Variants in KHDC1 observed in about 807,000 individuals in gnomAD.
The protein encoded by KHDC1 is KH homology domain-containing protein 1.
In KHDC1, 21 loss-of-function variants were observed where a neutral mutation model predicts 24.7. That is an observed-to-expected ratio of 0.85 (90% CI 0.60 to 1.23). The LOEUF (loss-of-function observed/expected upper bound fraction) is 1.23. KHDC1 is among the 50% of genes most tolerant of loss of function. The pLI is 0.00. For synonymous variants in KHDC1, 98 were observed against 111.7 expected (o/e 0.88, Z 0.77); for missense variants, 274 against 298.5 (o/e 0.92, Z 0.61).
At chr6:73,256,743 T>C (rs1406683486) in intron 2 of KHDC1, among the ~76,000 whole-genome samples, 1 of 152,196 alleles carries the variant, frequency 6.6e-6, no homozygotes, top group Non-Finnish European at 1.5e-5. Flanking sequence ...ACTCCCGTTA[T>C]CCCCATTTTG....
intron 2 of KHDC1, among the ~76,000 whole-genome samples, chr6:73,250,914 A>T (rs1766767874): frequency 6.6e-6 from 1 of 152,078 alleles, no homozygotes; most frequent in East Asian, 1.9e-4. Context: ...ATCTTGGCTC[A>T]CTGCAACCTC....
At chr6:73,288,620 TAA>T (rs35316122) in intron 2 of KHDC1, among the ~76,000 whole-genome samples, 8 of 150,846 alleles carry the variant, frequency 5.3e-5, no homozygotes, top group Non-Finnish European at 1.2e-4. Flanking sequence ...GACTTCGTCT[TAA>T]AAAAAAAGTT....
chr6:73,293,477 AGTT>A (rs1420190149), intron 1 of KHDC1, among the ~76,000 whole-genome samples: 1 of 152,214 alleles, frequency 6.6e-6, no homozygotes, highest in Non-Finnish European at 1.5e-5. Context: ...ATTCACATGT[AGTT>A]GTAAGAAGTT....
chr6:73,257,525 A>T (rs1766901761), intron 2 of KHDC1, among the ~76,000 whole-genome samples: 2 of 152,032 alleles, frequency 1.3e-5, no homozygotes, highest in African/African-American at 4.8e-5. Flanking sequence ...CAGCCTCCCG[A>T]GTAGCTGGGA....
chr6:73,275,378 CAG>C (rs1015726804), intron 2 of KHDC1: 2 of 165,814 alleles, frequency 1.2e-5, no homozygotes, highest in Non-Finnish European at 2.9e-5. Context: ...AAAACAAAAA[CAG>C]ATCCCAGTCT....
chr6:73,275,527 C>T (rs1490024965), intron 2 of KHDC1: 5 of 167,132 alleles, frequency 3.0e-5, no homozygotes, highest in Non-Finnish European at 7.3e-5. Flanking sequence ...CATTCTGAAA[C>T]CATCAGTGCT....
intron 1 of KHDC1, among the ~76,000 whole-genome samples, chr6:73,302,463 G>A (rs769558997): frequency 8.5e-5 from 13 of 152,112 alleles, no homozygotes; most frequent in Admixed American, 2.6e-4. Flanking sequence ...ATACACCCAA[G>A]CTATATGGTA....
chr6:73,246,055 C>A (rs975880307), intron 2 of KHDC1, among the ~76,000 whole-genome samples: 2 of 152,150 alleles, frequency 1.3e-5, no homozygotes, highest in Admixed American at 1.3e-4. Flanking sequence ...AGCAAAGCTT[C>A]TAAAAGTTTT....
At chr6:73,256,521 C>A (rs1312994546) in intron 2 of KHDC1, among the ~76,000 whole-genome samples, 2 of 152,204 alleles carry the variant, frequency 1.3e-5, no homozygotes, top group Non-Finnish European at 2.9e-5. Flanking sequence ...CAAGAAAAAG[C>A]AGCAGGATAG....
At chr6:73,251,327 A>T (rs529416877) in intron 2 of KHDC1, among the ~76,000 whole-genome samples, 1 of 152,216 alleles carries the variant, frequency 6.6e-6, no homozygotes, top group Non-Finnish European at 1.5e-5. Context: ...CTATTAATAC[A>T]ACTAGTATGA....
chr6:73,259,861 T>C (rs551796083), intron 2 of KHDC1, among the ~76,000 whole-genome samples: 1 of 152,292 alleles, frequency 6.6e-6, no homozygotes, highest in South Asian at 2.1e-4. Context: ...GCATTTACCA[T>C]ATAAACATAA....
intron 2 of KHDC1, chr6:73,276,410 C>G (rs1423125390): frequency 6.6e-6 from 1 of 152,088 alleles, no homozygotes; most frequent in Non-Finnish European, 1.5e-5. Context: ...TCGCTTGAAC[C>G]CAGAGTGTGG....
At position 73,241,542 on chromosome 6, in the gene KHDC1, G is replaced by A. The variant is rs753386664; in HGVS notation, c.701C>T (p.Ser234Leu). ...ATCAGTCCTTAATTACGGATACAGT[G>A]AACTCAAATGGAAACCCGAACAACC... Residue 234 changes from serine (S) to leucine (L), a missense_variant, in exon 5 of 5, where the codon TCA becomes TTA. By Grantham distance (145) the Ser-to-Leu change is moderately radical (BLOSUM62 -2). Coordinates refer to ENST00000370384, the Ensembl canonical transcript of KHDC1. 6 of 1,613,860 alleles carry A rather than the reference G, an allele frequency of 3.7e-6. No individual in the cohort carries two copies. The highest frequency in any genetic ancestry group is 5.1e-6 in the Non-Finnish European group (6 of 1,179,978).
intron 2 of KHDC1, 105 bp from the exon 1 acceptor site, chr6:73,263,301 C>G (rs1767021137): frequency 1.0e-6 from 1 of 985,062 alleles, no homozygotes; most frequent in Non-Finnish European, 1.2e-6. Context: ...CCACTGCCGG[C>G]GCGCAGAGAG....
intron 1 of KHDC1, among the ~76,000 whole-genome samples, chr6:73,302,852 C>T (rs747988259): frequency 2.0e-4 from 30 of 152,020 alleles, no homozygotes; most frequent in Non-Finnish European, 4.1e-4. Flanking sequence ...CGAGGTGTGC[C>T]GATCACATGA....
chr6:73,309,552 C>G (rs1168097103), exon 1 of KHDC1: 1 of 1,515,236 alleles, frequency 6.6e-7, no homozygotes, highest in Admixed American at 2.4e-5. Flanking sequence ...AGCCACTCAC[C>G]TCGATTTCTG....
intron 2 of KHDC1, chr6:73,274,301 C>T (rs1767238261): frequency 6.6e-6 from 1 of 152,222 alleles, no homozygotes; most frequent in Admixed American, 6.5e-5. Flanking sequence ...ACTCTCATCC[C>T]AGTCCACTTC....
At chr6:73,302,655 G>A (rs749183471) in intron 1 of KHDC1, among the ~76,000 whole-genome samples, 3 of 152,182 alleles carry the variant, frequency 2.0e-5, no homozygotes, top group Non-Finnish European at 2.9e-5. Flanking sequence ...TGATGGTTAC[G>A]ACGCCACTGT....
chr6:73,242,154 G>A lies in KHDC1; in HGVS notation c.415C>T (p.Gln139Ter), dbSNP rs770433424. Residue 139 changes from glutamine (Q) to a stop codon, truncating the protein, a stop_gained, in exon 4 of 5, where the codon CAG (glutamine) becomes TAG (stop). Transcript: ENST00000370384. LOFTEE classifies it high-confidence loss of function. ...GGTCCGACTACAGTCACACGAGTCTGGCCTGTAGCTGTGAACCAACTCTCC... is the reference window on the plus strand; with the variant it reads ...GGTCCGACTACAGTCACACGAGTCTAGCCTGTAGCTGTGAACCAACTCTCC... 3 of 1,614,174 alleles carry A rather than the reference G, an allele frequency of 1.9e-6. No individual in the cohort carries two copies. Among genetic ancestry groups the A allele is most frequent in the South Asian group, 1.1e-5 (1 of 91,082 alleles).
Sources: gnomAD v4.1 joint callset for allele counts (sites outside exome capture counted in the v4.1 genomes callset) on GRCh38, gnomAD v4.1.1 for gene constraint, MANE v1.5 for transcripts, NCBI Gene and HGNC (gene_info 2026-07-23, HGNC 2026-07-21) for gene names.